The following LCT variants were observed in gnomAD, a reference collection of about 807,000 sequenced individuals.
The protein encoded by LCT is lactase/phlorizin hydrolase.
Under a neutral mutation model 173.0 loss-of-function variants are expected in LCT, and 90 were observed. The observed-to-expected ratio is 0.52, with a 90% confidence interval of 0.44 to 0.62. The LOEUF (loss-of-function observed/expected upper bound fraction) is 0.62, where lower values mean the gene tolerates loss of function less well. Among genes scored for constraint, LCT ranks in the 20% least tolerant of loss-of-function variants. The probability of loss-of-function intolerance (pLI) is 0.00; values close to 1 mark genes in which losing one functional copy is unlikely to be tolerated. For synonymous variants in LCT, 853 were observed against 957.6 expected, an observed-to-expected ratio of 0.89 and a Z score of 2.02; for missense variants, 1,864 against 2,431.4, an observed-to-expected ratio of 0.77 and a Z score of 4.91.
At chr2:135,799,587 C>A (rs550778479) in intron 12 of LCT, among the ~76,000 whole-genome samples, 4 of 151,736 alleles carry the variant, frequency 2.6e-5, no homozygotes, top group Admixed American at 1.3e-4. Context: ...GTAGTTGGAA[C>A]TACAGGCATG....
At chr2:135,814,585 C>T (rs561394816) in intron 6 of LCT, among the ~76,000 whole-genome samples, 152 of 151,194 alleles carry the variant, frequency 1.0e-3, no homozygotes, top group Non-Finnish European at 1.3e-3. Flanking sequence ...GGCGCAATCT[C>T]GGCTCACCAC....
intron 2 of LCT, among the ~76,000 whole-genome samples, chr2:135,830,217 C>T (rs916712904): frequency 2.6e-5 from 4 of 152,172 alleles, no homozygotes; most frequent in African/African-American, 7.2e-5. Context: ...CTGTGGAGTA[C>T]GCACTGGGGA....
At chr2:135,822,512 G>T in intron 4 of LCT, 2 of 208,728 alleles carry the variant, frequency 9.6e-6, no homozygotes, top group South Asian at 1.6e-4. Context: ...TCAGAAAGGG[G>T]TGGAATATTT....
chr2:135,833,496 G>A (rs1199977997), intron 1 of LCT, among the ~76,000 whole-genome samples: 1 of 144,898 alleles, frequency 6.9e-6, no homozygotes, highest in African/African-American at 2.5e-5. Flanking sequence ...GCCCAGGCTG[G>A]AGTGCAGTCG....
chr2:135,823,831 T>C (rs1013873440), intron 4 of LCT, 70 bp downstream of exon 4: 5 of 1,076,482 alleles, frequency 4.6e-6, no homozygotes, highest in Non-Finnish European at 7.2e-6. Flanking sequence ...CCCCGGACTT[T>C]CAAGACTGCT....
chr2:135,811,570 G>A (rs2077734548), intron 7 of LCT, among the ~76,000 whole-genome samples: 1 of 152,128 alleles, frequency 6.6e-6, no homozygotes, highest in African/African-American at 2.4e-5. Context: ...GACCAGTGTG[G>A]CTGGAGCAAT....
chr2:135,813,804 T>G (rs2077755344), intron 6 of LCT, among the ~76,000 whole-genome samples: 1 of 152,264 alleles, frequency 6.6e-6, no homozygotes, highest in African/African-American at 2.4e-5. Context: ...TTCTTGCTTA[T>G]TTGTTCTTCT....
chr2:135,812,249 AC>A (rs1169590540), intron 7 of LCT, 61 bp downstream of exon 7: 18 of 1,412,560 alleles, frequency 1.3e-5, no homozygotes, highest in Admixed American at 1.2e-4. Flanking sequence ...ATTAAACGAA[AC>A]TTTGAAGACT....
intron 11 of LCT, among the ~76,000 whole-genome samples, chr2:135,802,211 C>T (rs2077633300): frequency 6.6e-6 from 1 of 152,182 alleles, no homozygotes; most frequent in Non-Finnish European, 1.5e-5. Flanking sequence ...AGCTGTTACA[C>T]AGTGTTCTGA....
chr2:135,810,521 T>G (rs766675616), intron 7 of LCT, among the ~76,000 whole-genome samples: 2 of 152,158 alleles, frequency 1.3e-5, no homozygotes, highest in Non-Finnish European at 2.9e-5. Context: ...ATCCCCATCT[T>G]CAAATAAATA....
At chr2:135,805,200 T>C (rs2077660566) in intron 9 of LCT, 143 bp from the exon 10 acceptor site, 1 of 860,230 alleles carries the variant, frequency 1.2e-6, no homozygotes, top group Non-Finnish European at 1.9e-6. Context: ...GGTCCATGTG[T>C]GGTGGCTCAC....
chr2:135,800,993 G>A (rs1375954314), intron 11 of LCT, among the ~76,000 whole-genome samples, 184 bp from the exon 12 acceptor site: 1 of 152,194 alleles, frequency 6.6e-6, no homozygotes, highest in African/African-American at 2.4e-5. Context: ...CTTTGGGTGA[G>A]TAATTCAGCC....
Position 135,836,969 on chromosome 2 carries a change from T to C in LCT, c.201A>G (p.Pro67=). 1 of 1,614,198 alleles carries C rather than the reference T, an allele frequency of 6.2e-7. No individual in the cohort carries two copies. The highest frequency in any genetic ancestry group is 8.5e-7 in the Non-Finnish European group (1 of 1,180,018). Residue 67 remains proline, a synonymous_variant, in exon 1 of 17, where the codon CCA becomes CCG. Coordinates refer to ENST00000264162, the MANE Select transcript of LCT (RefSeq NM_002299.4). ...AGTATTCTGGCAGGAAAGTGGGCAG[T>C]GGCTGGTGACAAACATACATGTCTT... The part of the protein sequence containing the change: ...GDKDMYVCHQ[P]LPTFLPEYFS...
At chr2:135,797,735 G>C (rs1248223684) in intron 13 of LCT, among the ~76,000 whole-genome samples, 1 of 152,134 alleles carries the variant, frequency 6.6e-6, no homozygotes, top group Non-Finnish European at 1.5e-5. Flanking sequence ...TCACACGTGC[G>C]GTGATGAAAT....
At chr2:135,801,992 T>G (rs1305315702) in intron 11 of LCT, among the ~76,000 whole-genome samples, 1 of 152,102 alleles carries the variant, frequency 6.6e-6, no homozygotes, top group African/African-American at 2.4e-5. Context: ...CAGGAGTTGA[T>G]AATCTGGAGC....
At chr2:135,811,439 A>G (rs1209974576) in intron 7 of LCT, among the ~76,000 whole-genome samples, 2 of 152,192 alleles carry the variant, frequency 1.3e-5, no homozygotes, top group Non-Finnish European at 2.9e-5. Flanking sequence ...TACCTTTCCA[A>G]TTGGAATAAA....
chr2:135,822,037 T>C lies in LCT; in HGVS notation c.969A>G (p.Ser323=), dbSNP rs2077837605. The change falls in exon 5 of 17, where the codon TCA becomes TCG. Residue 323 remains serine (S), a synonymous_variant. Coordinates refer to ENST00000264162, the MANE Select transcript of LCT (RefSeq NM_002299.4). ...GACATTACCTTTTCTTGGAACTTGA[T>C]GAACAACTCAGAAACTCATTAATAT... ...GFDINEFLSC[S]SSSKKSMSCS... 7 of 1,603,374 alleles carry C rather than the reference T, an allele frequency of 4.4e-6. No individual in the cohort carries two copies. In the East Asian group the frequency reaches 1.6e-4, roughly 36 times the overall value.
chr2:135,809,254 T>C lies in LCT; in HGVS notation c.3093A>G (p.Gly1031=). 6.2e-7 allele frequency: 1 copy of C among 1,614,200 alleles called. No individual in the cohort carries two copies. The highest frequency in any genetic ancestry group is 8.5e-7 in the Non-Finnish European group (1 of 1,180,036). ...WDLPQALQDI[G]GWENPALIDL... is the part of the protein sequence containing the mutation. ...CAATCAAGGCAGGATTCTCCCAGCC[T>C]CCGATATCCTGGAGGGCCTGGGGCA... is the stretch of plus-strand genomic sequence containing the variant. The change falls in exon 8 of 17, where the codon GGA becomes GGG. Residue 1031 remains glycine (G), a synonymous_variant. Transcript: ENST00000264162. This position sits in a 1 kb window ranked among gnomAD's most constrained non-coding sequence, Gnocchi z 5.5.
chr2:135,807,277 T>C lies in LCT; in HGVS notation c.4024A>G (p.Thr1342Ala), dbSNP rs1198945562. 1 of 1,614,106 alleles carries C rather than the reference T, an allele frequency of 6.2e-7. No homozygotes were observed. The highest frequency in any genetic ancestry group is 8.5e-7 in the Non-Finnish European group (1 of 1,180,052). ...FGLYHVDFNN[T>A]NRPRTARASA... ...GCTCTTGCTGTGCGAGGCCTGTTCG[T>C]GTTGTTGAAATCAACATGGTACAGT... is the stretch of plus-strand genomic sequence containing the variant. Residue 1342 changes from threonine (T) to alanine (A), a missense_variant, in exon 9 of 17, where the codon ACG becomes GCG. By Grantham distance (58) the Thr-to-Ala change is moderately conservative. Around this residue, in one of 4 missense-constraint regions of LCT, gnomAD observed 514 missense variants for 750.1 expected, o/e 0.69. Transcript: ENST00000264162.
Sources: gnomAD v4.1 joint callset for allele counts (sites outside exome capture counted in the v4.1 genomes callset) on GRCh38, gnomAD v4.1.1 for gene constraint, gnomAD v4.1.1 regional missense constraint, Gnocchi (gnomAD v3.1) non-coding constraint, MANE v1.5 for transcripts, NCBI Gene and HGNC (gene_info 2026-07-23, HGNC 2026-07-21) for gene names.